Variants in PCDHGB5 observed in about 807,000 individuals in gnomAD.
PCDHGB5 encodes protocadherin gamma-B5.
In PCDHGB5, 48 loss-of-function variants were observed where a neutral mutation model predicts 62.9. That is an observed-to-expected ratio of 0.76 (90% confidence interval 0.61 to 0.97). The LOEUF is 0.97. Ranked by LOEUF, PCDHGB5 falls within the 50% of genes least tolerant of loss-of-function variation. PCDHGB5 has a pLI of 0.00. For missense variants in PCDHGB5, 1,118 were observed against 1,198.6 expected, an observed-to-expected ratio of 0.93 and a Z score of 0.99; for synonymous variants, 474 against 511.2, an observed-to-expected ratio of 0.93 and a Z score of 0.98.
At chr5:141,405,054 C>T (rs773491411) in intron 1 of PCDHGB5, 7 of 1,613,806 alleles carry the variant, frequency 4.3e-6, no homozygotes, top group Admixed American at 1.7e-5. Flanking sequence ...GCAGTCGTCT[C>T]CTGTGTCTTC....
intron 2 of PCDHGB5, among the ~76,000 whole-genome samples, chr5:141,499,868 A>G (rs2099794957): frequency 6.6e-6 from 1 of 152,024 alleles, no homozygotes; most frequent in Non-Finnish European, 1.5e-5. Context: ...TTGTATTTTC[A>G]GTACAAACAG....
chr5:141,423,506 T>C (rs1242003813), intron 1 of PCDHGB5: 1 of 1,613,808 alleles, frequency 6.2e-7, no homozygotes, highest in African/African-American at 1.3e-5. Context: ...GAGGTCTCTC[T>C]CATTGCGGAC....
intron 1 of PCDHGB5, among the ~76,000 whole-genome samples, chr5:141,492,337 C>T (rs559700346): frequency 1.0e-3 from 158 of 152,324 alleles, no homozygotes; most frequent in African/African-American, 3.7e-3. Flanking sequence ...TACGCGAATA[C>T]CAGCTTTCAC....
Position 141,477,809 on chromosome 5 carries a change from C to A in PCDHGB5, c.2398-16998C>A. 1 of 1,614,146 alleles carries A rather than the reference C, an allele frequency of 6.2e-7. No individual in the cohort carries two copies. Among genetic ancestry groups the A allele is most frequent in the Non-Finnish European group, 8.5e-7 (1 of 1,180,040 alleles). On this transcript the variant is annotated intron_variant, in intron 1 of 3. Coordinates refer to ENST00000617380, the MANE Select transcript of PCDHGB5 (RefSeq NM_018925.3). The surrounding 1 kb of genome is among the most constrained non-coding windows in gnomAD (Gnocchi z 4.9). ...TGTCACTGATCGCAATGACAATGCC[C>A]CCCAGGTCCTATATCCTCGGCCAGG...
chr5:141,483,245 A>G (rs2099578786), intron 1 of PCDHGB5, among the ~76,000 whole-genome samples: 1 of 151,456 alleles, frequency 6.6e-6, no homozygotes, highest in Non-Finnish European at 1.5e-5. Flanking sequence ...TGATATGCAT[A>G]TATCATGAGG....
chr5:141,402,903 A>C, intron 1 of PCDHGB5: 1 of 1,525,170 alleles, frequency 6.6e-7, no homozygotes, highest in East Asian at 2.3e-5. Context: ...GAACCTGATG[A>C]AGCAGCGCGC....
intron 1 of PCDHGB5, chr5:141,415,740 G>GTTTTTTTTTTTTTGTTT (rs2095912299): frequency 1.9e-6 from 1 of 515,998 alleles, no homozygotes; most frequent in Non-Finnish European, 2.6e-6. Context: ...GTTTATTAAG[G>GTTTTTTTTTTTTTGTTT]TTTTTTTTTT....
chr5:141,450,823 A>AT (rs1453980247), intron 1 of PCDHGB5, among the ~76,000 whole-genome samples: 4 of 133,078 alleles, frequency 3.0e-5, no homozygotes, highest in African/African-American at 1.2e-4. Context: ...TAATATTATT[A>AT]TTATTATTTT....
rs143278253 is a variant in PCDHGB5 at position 141,476,491 on chromosome 5, C to T, written c.2398-18316C>T. 9.5e-5 allele frequency: 153 copies of T among 1,613,894 alleles called. No individual in the cohort carries two copies. The highest frequency in any genetic ancestry group is 5.4e-5 in the Non-Finnish European group (64 of 1,180,020). On this transcript the variant is annotated intron_variant, in intron 1 of 3. Transcript: ENST00000617380. This position sits in a 1 kb window ranked among gnomAD's most constrained non-coding sequence, Gnocchi z 7.6. ...AGCTGTTCAGCGTGGAAGTGGTGAT[C>T]CAGGACATCAACGACAACAATCCTG... is the stretch of plus-strand genomic sequence containing the variant.
In PCDHGB5 at chr5:141,400,367, C is replaced by A. The variant is rs372561902; in HGVS notation, c.2240C>A (p.Ser747Tyr). The A allele has an allele frequency of 6.8e-5, 110 of 1,613,946 alleles. No individual in the cohort carries two copies. The highest frequency in any genetic ancestry group is 8.8e-5 in the Non-Finnish European group (104 of 1,179,914). ...PNYSQGTLPY[S>Y]YNLCVAHTGK... ...TACAGTCAGGGGACTTTGCCTTATT[C>A]CTACAACCTATGTGTTGCACATACA... The change falls in exon 1 of 4, where the codon TCC (serine) becomes TAC (tyrosine). Residue 747 changes from serine to tyrosine, a missense_variant. Ser to Tyr is a moderately radical substitution (Grantham distance 144, BLOSUM62 -2). This residue lies in a region of PCDHGB5 where 1,034 missense variants were observed against 1,029.1 expected (regional missense o/e 1.00). Coordinates refer to ENST00000617380, the MANE Select transcript of PCDHGB5 (RefSeq NM_018925.3).
rs768079276 is a variant in PCDHGB5, at chr5:141,490,997, G to A, written c.2398-3810G>A. On this transcript the variant is annotated intron_variant, in intron 1 of 3. Transcript: ENST00000617380. The surrounding 1 kb of genome is among the most constrained non-coding windows in gnomAD (Gnocchi z 5.4). ...CGTCTCCCTCGCTCTGCTCCTCCTG[G>A]CTCCTTGGTCACCAAGGTGACAGCC... 1.2e-6 allele frequency: 2 copies of A among 1,614,032 alleles called. No individual in the cohort carries two copies. Among genetic ancestry groups the A allele is most frequent in the Admixed American group, 1.7e-5 (1 of 60,030 alleles).
At chr5:141,438,710 G>C (rs568772648) in intron 1 of PCDHGB5, among the ~76,000 whole-genome samples, 2 of 147,308 alleles carry the variant, frequency 1.4e-5, no homozygotes, top group South Asian at 4.3e-4. Context: ...ACCCAGGCTG[G>C]AGTGCAAGTG....
intron 1 of PCDHGB5, chr5:141,414,088 A>T: frequency 6.3e-7 from 1 of 1,599,384 alleles, no homozygotes; most frequent in African/African-American, 1.3e-5. Context: ...TACTGGAGAA[A>T]TAAAAATATC....
At chr5:141,408,500 A>G in intron 1 of PCDHGB5, 1 of 1,614,018 alleles carries the variant, frequency 6.2e-7, no homozygotes, top group Non-Finnish European at 8.5e-7. Context: ...CAAAGAGAGA[A>G]GAAGATGTGA....
chr5:141,449,944 T>C (rs1375717746), intron 1 of PCDHGB5, among the ~76,000 whole-genome samples: 1 of 151,744 alleles, frequency 6.6e-6, no homozygotes, highest in Non-Finnish European at 1.5e-5. Flanking sequence ...TATATTTTAC[T>C]ATACCTCATA....
chr5:141,419,905 T>G (rs916259620), intron 1 of PCDHGB5: 23 of 1,613,978 alleles, frequency 1.4e-5, no homozygotes, highest in Non-Finnish European at 1.9e-5. Context: ...CCACACCCTC[T>G]GACTCCCAGG....
At chr5:141,495,544 T>C (rs971374249) in intron 2 of PCDHGB5, among the ~76,000 whole-genome samples, 5 of 152,220 alleles carry the variant, frequency 3.3e-5, no homozygotes, top group African/African-American at 7.2e-5. Context: ...CCTCAGTCTC[T>C]ATCTCGCTTT....
intron 1 of PCDHGB5, among the ~76,000 whole-genome samples, chr5:141,447,234 G>T (rs534523483): frequency 9.9e-4 from 150 of 152,170 alleles, no homozygotes; most frequent in Non-Finnish European, 1.8e-3. Flanking sequence ...CCGCCTCCCG[G>T]GTTCAAGTGA....
chr5:141,415,947 C>T (rs1161530180), intron 1 of PCDHGB5: 1 of 532,382 alleles, frequency 1.9e-6, no homozygotes, highest in Admixed American at 4.2e-5. Flanking sequence ...CCTGGGTGGT[C>T]ACATATTGAA....
Sources: allele counts gnomAD v4.1 joint callset (sites outside exome capture counted in the v4.1 genomes callset), GRCh38; gene constraint gnomAD v4.1.1; regional missense constraint gnomAD v4.1.1; non-coding constraint Gnocchi (gnomAD v3.1); transcripts MANE v1.5; gene names NCBI Gene and HGNC (gene_info 2026-07-23, HGNC 2026-07-21).